Variants in UNC13C observed in about 807,000 individuals in gnomAD.
UNC13C encodes protein unc-13 homolog C.
In UNC13C, 174 loss-of-function variants were observed where a neutral mutation model predicts 245.4. The observed-to-expected ratio is 0.71, with a 90% CI of 0.63 to 0.80. The LOEUF is 0.80. Ranked by LOEUF, UNC13C falls within the 30% of genes least tolerant of loss-of-function variation. The pLI, the probability that UNC13C is intolerant of heterozygous loss-of-function variation, is 0.00. For synonymous variants in UNC13C, 992 were observed against 895.1 expected (o/e 1.11, Z -1.93); for missense variants, 2,829 against 2,602.9 (o/e 1.09, Z -1.89).
At chr15:54,275,098 C>T (rs1160798696) in intron 10 of UNC13C, among the ~76,000 whole-genome samples, 1 of 152,078 alleles carries the variant, frequency 6.6e-6, no homozygotes, top group East Asian at 1.9e-4. Flanking sequence ...GATCACATTG[C>T]ATAAAAAACA....
intron 4 of UNC13C, among the ~76,000 whole-genome samples, chr15:54,200,766 GA>G (rs546256723): frequency 1.4e-4 from 22 of 151,988 alleles, no homozygotes; most frequent in African/African-American, 5.1e-4. Context: ...TGGAACTGGA[GA>G]AACAAGAGCA....
Position 54,597,102 on chromosome 15 carries a change from C to G in UNC13C, c.6107-25225C>G, listed in dbSNP as rs938249806. Among the ~76,000 whole-genome samples, 11 of 152,120 alleles carry G rather than the reference C, an allele frequency of 7.2e-5. 1 individual carries two copies. The highest frequency in any genetic ancestry group is 7.2e-4 in the Admixed American group (11 of 15,276). ...CAAAACTCATAAGGAGTGCACAACCCAGATCCCTCACATGCGCAATTCACA... is the reference window on the plus strand; with the variant it reads ...CAAAACTCATAAGGAGTGCACAACCGAGATCCCTCACATGCGCAATTCACA... On this transcript the variant is annotated intron_variant, in intron 30 of 32. Transcript: ENST00000260323.
the UNC13C span, among the ~76,000 whole-genome samples, chr15:53,890,227 C>T: frequency 1.7e-4 from 26 of 151,874 alleles, no homozygotes; most frequent in South Asian, 6.3e-4. Context: ...CTGCAAGCTC[C>T]GCCTTCTGGG....
chr15:53,956,288 A>G, the UNC13C span, among the ~76,000 whole-genome samples: 2 of 152,176 alleles, frequency 1.3e-5, no homozygotes, highest in African/African-American at 4.8e-5. Context: ...CAATGTACTC[A>G]GGTAACAAAG....
chr15:54,085,258 A>G (rs556443350), intron 2 of UNC13C, among the ~76,000 whole-genome samples: 6 of 152,332 alleles, frequency 3.9e-5, no homozygotes, highest in Middle Eastern at 3.4e-3. Flanking sequence ...ATTTAGGGCT[A>G]CTTTCTCCTG....
the UNC13C span, among the ~76,000 whole-genome samples, chr15:53,963,406 G>C: frequency 9.1e-4 from 139 of 152,288 alleles, 2 homozygotes; most frequent in African/African-American, 2.6e-3. Flanking sequence ...TTGAACCCTT[G>C]GAAGTTGTGT....
At chr15:53,920,288 A>G in the UNC13C span, among the ~76,000 whole-genome samples, 1 of 152,132 alleles carries the variant, frequency 6.6e-6, no homozygotes, top group Non-Finnish European at 1.5e-5. Context: ...AAAAAGCAGA[A>G]TTAGGCCAGG....
intron 8 of UNC13C, among the ~76,000 whole-genome samples, chr15:54,258,712 G>A (rs2036345266): frequency 6.6e-6 from 1 of 152,008 alleles, no homozygotes; most frequent in Non-Finnish European, 1.5e-5. Context: ...TTTTTGACAT[G>A]CTGAAATCAC....
the UNC13C span, among the ~76,000 whole-genome samples, chr15:53,879,467 T>C: frequency 1.3e-5 from 2 of 152,236 alleles, no homozygotes; most frequent in Non-Finnish European, 2.9e-5. Flanking sequence ...CCAGCCCTTT[T>C]TCAATTTTTA....
chr15:54,478,609 A>G (rs1340377081), intron 19 of UNC13C, among the ~76,000 whole-genome samples: 1 of 151,698 alleles, frequency 6.6e-6, no homozygotes, highest in Non-Finnish European at 1.5e-5. Flanking sequence ...GTTTCCATGT[A>G]GTTGAGCAGT....
chr15:54,091,906 C>T (rs1164401048), intron 2 of UNC13C, among the ~76,000 whole-genome samples: 2 of 152,170 alleles, frequency 1.3e-5, no homozygotes, highest in African/African-American at 4.8e-5. Context: ...GCAAACTTTG[C>T]TTATTATGCA....
At chr15:54,185,575 A>G (rs967334305) in intron 4 of UNC13C, among the ~76,000 whole-genome samples, 6 of 150,144 alleles carry the variant, frequency 4.0e-5, no homozygotes, top group Non-Finnish European at 8.8e-5. Flanking sequence ...AAGATCAGAT[A>G]GTTGTAGATA....
chr15:54,254,771 A>C (rs2036237255), intron 8 of UNC13C, among the ~76,000 whole-genome samples: 1 of 152,186 alleles, frequency 6.6e-6, no homozygotes, highest in Non-Finnish European at 1.5e-5. Flanking sequence ...TGCAAAGTCA[A>C]TCCTAGGGGG....
At chr15:54,259,566 C>T (rs1016171780) in intron 8 of UNC13C, among the ~76,000 whole-genome samples, 3 of 152,180 alleles carry the variant, frequency 2.0e-5, no homozygotes, top group Admixed American at 1.3e-4. Flanking sequence ...AATTATCTCC[C>T]ACCAGGTACC....
intron 10 of UNC13C, among the ~76,000 whole-genome samples, chr15:54,268,122 ACCC>A (rs1027051800): frequency 6.9e-6 from 1 of 145,698 alleles, no homozygotes; most frequent in Non-Finnish European, 1.5e-5. Flanking sequence ...CTTGCGCCCC[ACCC>A]CCCAACTTTA....
At chr15:53,965,062 G>A in the UNC13C span, among the ~76,000 whole-genome samples, 1 of 152,172 alleles carries the variant, frequency 6.6e-6, no homozygotes, top group Non-Finnish European at 1.5e-5. Context: ...ATTTATAATA[G>A]TTTAGAAACA....
intron 19 of UNC13C, among the ~76,000 whole-genome samples, chr15:54,418,806 T>C (rs80224088): frequency 1.5e-3 from 221 of 152,198 alleles, no homozygotes; most frequent in African/African-American, 5.0e-3. Context: ...ATCTCAGAAA[T>C]TTAGGAGATT....
intron 17 of UNC13C, among the ~76,000 whole-genome samples, chr15:54,391,703 G>T (rs2039960338): frequency 6.6e-6 from 1 of 151,876 alleles, no homozygotes; most frequent in South Asian, 2.1e-4. Flanking sequence ...TTTAACATCT[G>T]TTGCATTTCA....
At chr15:54,508,626 A>T (rs768733958) in intron 23 of UNC13C, among the ~76,000 whole-genome samples, 1 of 152,034 alleles carries the variant, frequency 6.6e-6, no homozygotes, top group Non-Finnish European at 1.5e-5. Flanking sequence ...AGCCTTATAC[A>T]CTGTTGCTTA....
Sources: allele counts gnomAD v4.1 joint callset (sites outside exome capture counted in the v4.1 genomes callset), GRCh38; gene constraint gnomAD v4.1.1; transcripts MANE v1.5; gene names NCBI Gene and HGNC (gene_info 2026-07-23, HGNC 2026-07-21).